Variants in ATP2B4 observed in about 807,000 individuals in gnomAD.
ATP2B4 encodes the protein ATPase plasma membrane Ca2+ transporting 4, also known as plasma membrane calcium-transporting ATPase 4.
A neutral mutation model predicts 110.3 loss-of-function variants in ATP2B4; 39 were observed. The observed-to-expected ratio is 0.35, with a 90% CI of 0.27 to 0.46. The LOEUF is 0.46. ATP2B4 is among the 20% of genes least tolerant of loss of function. The pLI is 1.00. For synonymous variants in ATP2B4, 538 were observed against 571.7 expected (o/e 0.94, Z 0.84); for missense variants, 1,135 against 1,530.9 (o/e 0.74, Z 4.32).
chr1:203,724,857 C>A (rs901732984), intron 19 of ATP2B4, among the ~76,000 whole-genome samples: 1 of 145,640 alleles, frequency 6.9e-6, no homozygotes, highest in African/African-American at 2.5e-5. Flanking sequence ...GGGTTTGAAT[C>A]CAGCTCTCTG....
At chr1:203,666,671 G>A (rs1023842953) in intron 1 of ATP2B4, among the ~76,000 whole-genome samples, 3 of 152,228 alleles carry the variant, frequency 2.0e-5, no homozygotes, top group African/African-American at 7.2e-5. Flanking sequence ...CTCTCCCTAT[G>A]CTCACCAGGA....
chr1:203,627,484 G>C (rs1378251206), intron 1 of ATP2B4, among the ~76,000 whole-genome samples: 1 of 152,070 alleles, frequency 6.6e-6, no homozygotes, highest in African/African-American at 2.4e-5. Context: ...ATGGGGTAGG[G>C]TAATGGAGGG....
chr1:203,654,377 A>T (rs990390360), intron 1 of ATP2B4, among the ~76,000 whole-genome samples: 1 of 152,226 alleles, frequency 6.6e-6, no homozygotes, highest in African/African-American at 2.4e-5. Flanking sequence ...AGGATCTCTG[A>T]TGGAGACATA....
At chr1:203,631,362 A>T (rs909505950) in intron 1 of ATP2B4, among the ~76,000 whole-genome samples, 2 of 152,228 alleles carry the variant, frequency 1.3e-5, no homozygotes, top group Non-Finnish European at 2.9e-5. Context: ...GGGACAACTC[A>T]GGGAAGATGA....
intron 5 of ATP2B4, 120 bp downstream of exon 5, chr1:203,700,451 G>T: frequency 7.4e-7 from 1 of 1,354,230 alleles, no homozygotes; most frequent in South Asian, 1.5e-5. Flanking sequence ...TTCAGCTGGG[G>T]CAACAGCATT....
chr1:203,645,328 T>C (rs1475767299), intron 1 of ATP2B4, among the ~76,000 whole-genome samples: 2 of 152,192 alleles, frequency 1.3e-5, no homozygotes, highest in African/African-American at 2.4e-5. Context: ...GCCTCTCTAA[T>C]GCCCTAGCCA....
At chr1:203,738,437 T>C (rs1327209074) in intron 20 of ATP2B4, among the ~76,000 whole-genome samples, 2 of 152,236 alleles carry the variant, frequency 1.3e-5, no homozygotes, top group African/African-American at 4.8e-5. Flanking sequence ...TTGATGACTC[T>C]GAACTGACCG....
At chr1:203,726,195 C>T (rs1666510973) in intron 19 of ATP2B4, among the ~76,000 whole-genome samples, 1 of 151,922 alleles carries the variant, frequency 6.6e-6, no homozygotes, top group South Asian at 2.1e-4. Context: ...GATCACGGCA[C>T]TGCACTCCAG....
intron 7 of ATP2B4, among the ~76,000 whole-genome samples, chr1:203,703,203 C>T (rs544167484): frequency 6.8e-6 from 1 of 146,524 alleles, no homozygotes; most frequent in East Asian, 2.0e-4. Flanking sequence ...GAGAGATAAA[C>T]CATTTAACAG....
At chr1:203,638,595 A>G (rs563139648) in intron 1 of ATP2B4, among the ~76,000 whole-genome samples, 1 of 152,284 alleles carries the variant, frequency 6.6e-6, no homozygotes, top group East Asian at 1.9e-4. Flanking sequence ...TTGCCCAAAG[A>G]CACTGGGTTA....
chr1:203,732,061 C>T (rs1217993212), intron 20 of ATP2B4, among the ~76,000 whole-genome samples: 5 of 150,032 alleles, frequency 3.3e-5, no homozygotes, highest in African/African-American at 9.8e-5. Context: ...CCTGTAGTCC[C>T]AGCTACTCAG....
rs1174765612 is a variant in ATP2B4 at position 203,706,865 on chromosome 1, A to AT, written c.1100-143dup. The stretch of plus-strand genomic sequence containing the variant: ...TGCTATAATGTACAAGCAACAGAGA[A>AT]TGGGGGGGATTTTAGTAAGTCTTCC... On this transcript the variant is annotated intron_variant, in intron 8 of 20. Coordinates refer to ENST00000357681, the MANE Select transcript of ATP2B4 (RefSeq NM_001684.5). 15 of 669,606 alleles carry AT rather than the reference A, an allele frequency of 2.2e-5. No individual in the cohort carries two copies. In the African/African-American group the frequency reaches 2.5e-4, roughly 11 times the overall value. 41.5% of individuals were successfully genotyped at this position (669,606 alleles called of 1,614,324 possible).
At chr1:203,717,921 G>C (rs1370904059) in intron 15 of ATP2B4, among the ~76,000 whole-genome samples, 1 of 152,072 alleles carries the variant, frequency 6.6e-6, no homozygotes, top group East Asian at 1.9e-4. Context: ...TGTGATTACA[G>C]GGGTGAGCCA....
chr1:203,711,427 GT>G (rs1666006477), intron 12 of ATP2B4, among the ~76,000 whole-genome samples: 1 of 152,136 alleles, frequency 6.6e-6, no homozygotes, highest in African/African-American at 2.4e-5. Flanking sequence ...TTCTTTTTGA[GT>G]ACCTGCTGTG....
chr1:203,628,658 C>G (rs1367267227), intron 1 of ATP2B4, among the ~76,000 whole-genome samples: 1 of 152,134 alleles, frequency 6.6e-6, no homozygotes, highest in Non-Finnish European at 1.5e-5. Context: ...CCCAAGCTGC[C>G]CCTTCTCCAC....
At chr1:203,707,281 C>A in intron 9 of ATP2B4, 58 bp downstream of exon 9, 1 of 1,480,794 alleles carries the variant, frequency 6.8e-7, no homozygotes, top group South Asian at 1.2e-5. Flanking sequence ...AGAAGGGTAC[C>A]ATGTAACCTT....
At chr1:203,691,214 AG>A (rs1665363574) in intron 2 of ATP2B4, among the ~76,000 whole-genome samples, 1 of 152,342 alleles carries the variant, frequency 6.6e-6, no homozygotes, top group East Asian at 1.9e-4. Context: ...TTGACAACTC[AG>A]CAGCAACTGT....
intron 15 of ATP2B4, among the ~76,000 whole-genome samples, chr1:203,716,112 A>G (rs940621798): frequency 6.9e-6 from 1 of 144,754 alleles, no homozygotes; most frequent in Non-Finnish European, 1.5e-5. Context: ...GTCCCCAAAA[A>G]CACCCCTATA....
chr1:203,667,657 G>A (rs1558024146), intron 1 of ATP2B4, among the ~76,000 whole-genome samples: 1 of 152,230 alleles, frequency 6.6e-6, no homozygotes, highest in Non-Finnish European at 1.5e-5. Context: ...GAGCCCAGTG[G>A]AAGAATTCCA....
Sources: gnomAD v4.1 joint callset for allele counts (sites outside exome capture counted in the v4.1 genomes callset) on GRCh38, gnomAD v4.1.1 for gene constraint, MANE v1.5 for transcripts, NCBI Gene and HGNC (gene_info 2026-07-23, HGNC 2026-07-21) for gene names.